ZCCHC24: variants seen among roughly 807,000 people sequenced by gnomAD.
ZCCHC24 encodes zinc finger CCHC-type containing 24.
ZCCHC24 carries 10 observed loss-of-function variants against 26.2 expected under a neutral mutation model. The ratio of observed to expected loss-of-function variants is 0.38; its 90% CI spans 0.24 to 0.65. The LOEUF (loss-of-function observed/expected upper bound fraction) is 0.65. Ranked by LOEUF, ZCCHC24 falls within the 30% of genes least tolerant of loss-of-function variation. ZCCHC24 has a pLI of 0.54. For synonymous variants in ZCCHC24, 144 were observed against 147.1 expected, an observed-to-expected ratio of 0.98 and a Z score of 0.15; for missense variants, 243 against 329.1, an observed-to-expected ratio of 0.74 and a Z score of 2.03.
intron 3 of ZCCHC24, among the ~76,000 whole-genome samples, chr10:79,391,614 C>T (rs775463834): frequency 4.0e-5 from 6 of 151,888 alleles, no homozygotes; most frequent in Non-Finnish European, 5.9e-5. Context: ...CTGGGCTGTT[C>T]CTGACTCCTG....
chr10:79,391,354 C>A (rs1273270040), intron 3 of ZCCHC24, among the ~76,000 whole-genome samples: 2 of 152,068 alleles, frequency 1.3e-5, no homozygotes, highest in African/African-American at 4.8e-5. Flanking sequence ...GATGGTGACA[C>A]AAGCCAGGAA....
intron 1 of ZCCHC24, among the ~76,000 whole-genome samples, chr10:79,441,657 G>A (rs1323263366): frequency 6.6e-6 from 1 of 152,042 alleles, no homozygotes. Flanking sequence ...CCTTTCCTGT[G>A]CTAGTGGGCA....
intron 2 of ZCCHC24, among the ~76,000 whole-genome samples, chr10:79,411,719 T>A (rs1564635635): frequency 6.6e-6 from 1 of 152,156 alleles, no homozygotes; most frequent in Non-Finnish European, 1.5e-5. Context: ...TCAGGCCTCC[T>A]GGGATCCCAG....
chr10:79,422,088 A>T (rs1856950170), intron 2 of ZCCHC24, among the ~76,000 whole-genome samples: 1 of 151,986 alleles, frequency 6.6e-6, no homozygotes. Context: ...TGTGAGGTGG[A>T]TATGTGTGAG....
In ZCCHC24 at chr10:79,386,265, G is replaced by A. The variant is rs7071090; in HGVS notation, c.*80C>T. The A allele has an allele frequency of 4.3e-4, 588 of 1,382,482 alleles. 2 individuals are homozygous for A. The African/African-American group carries it at 6.1e-3, about 14-fold the overall frequency. The allele number at this position is 1,382,482 out of a possible 1,614,324, so 85.6% of individuals were successfully genotyped here. On this transcript the variant is annotated 3_prime_UTR_variant, in exon 4 of 4. Coordinates refer to ENST00000372336, the MANE Select transcript of ZCCHC24 (RefSeq NM_153367.4). ...GGGCACCCCATGCACAGGGCGACAC[G>A]CAGCCCCTCGGAGTAGCACAGGGAA...
intron 2 of ZCCHC24, among the ~76,000 whole-genome samples, chr10:79,417,039 C>T (rs1856872285): frequency 6.6e-6 from 1 of 152,266 alleles, no homozygotes; most frequent in Non-Finnish European, 1.5e-5. Flanking sequence ...TTGCTGAGCA[C>T]TCACTATGTG....
chr10:79,393,361 C>T (rs543632295), intron 3 of ZCCHC24, among the ~76,000 whole-genome samples: 122 of 152,318 alleles, frequency 8.0e-4, no homozygotes, highest in Non-Finnish European at 9.4e-4. Context: ...AGTTCAGGAA[C>T]GACCTCCTCT....
intron 2 of ZCCHC24, among the ~76,000 whole-genome samples, chr10:79,407,563 C>T (rs554999152): frequency 6.2e-4 from 95 of 152,202 alleles, no homozygotes; most frequent in South Asian, 1.7e-3. Flanking sequence ...AATGCCTGGG[C>T]GGTGCAGCTG....
At chr10:79,433,279 C>T (rs1254316191) in intron 1 of ZCCHC24, among the ~76,000 whole-genome samples, 1 of 152,216 alleles carries the variant, frequency 6.6e-6, no homozygotes, top group Non-Finnish European at 1.5e-5. Flanking sequence ...TCCCGCTTCA[C>T]ACTAGACAAG....
chr10:79,389,184 A>G (rs889757488), intron 3 of ZCCHC24, among the ~76,000 whole-genome samples: 10 of 152,284 alleles, frequency 6.6e-5, no homozygotes, highest in South Asian at 2.1e-4. Flanking sequence ...ATTCACTGGC[A>G]CCTGCCAGCT....
At chr10:79,422,267 C>T (rs779022235) in intron 2 of ZCCHC24, among the ~76,000 whole-genome samples, 1 of 152,056 alleles carries the variant, frequency 6.6e-6, no homozygotes, top group Non-Finnish European at 1.5e-5. Flanking sequence ...GGGCTCTAGC[C>T]ACTCTGGTCC....
intron 2 of ZCCHC24, among the ~76,000 whole-genome samples, chr10:79,431,129 G>A (rs940813501): frequency 6.6e-6 from 1 of 152,226 alleles, no homozygotes; most frequent in Admixed American, 6.5e-5. Context: ...AGGGGATGAG[G>A]GAGGGCTGCT....
chr10:79,421,333 C>G (rs1467353609), intron 2 of ZCCHC24, among the ~76,000 whole-genome samples: 1 of 152,160 alleles, frequency 6.6e-6, no homozygotes, highest in Non-Finnish European at 1.5e-5. Context: ...GCAATGCTAC[C>G]TTCAGCACCC....
intron 1 of ZCCHC24, among the ~76,000 whole-genome samples, chr10:79,444,543 G>T (rs1857334571): frequency 6.6e-6 from 1 of 151,986 alleles, no homozygotes; most frequent in Admixed American, 6.6e-5. Context: ...AGGCTGGGAG[G>T]GCTGGGGACA....
intron 2 of ZCCHC24, among the ~76,000 whole-genome samples, chr10:79,395,431 G>C (rs528410964): frequency 6.6e-6 from 1 of 152,336 alleles, no homozygotes; most frequent in South Asian, 2.1e-4. Flanking sequence ...TTTTGCACAT[G>C]TGTGAGTGTA....
At chr10:79,444,046 C>G (rs1024445826) in intron 1 of ZCCHC24, 4 of 1,509,330 alleles carry the variant, frequency 2.7e-6, no homozygotes, top group East Asian at 5.2e-5. Flanking sequence ...CACACCCTTG[C>G]GTACATAGGC....
intron 2 of ZCCHC24, among the ~76,000 whole-genome samples, chr10:79,408,760 C>T (rs1005231299): frequency 3.3e-5 from 5 of 152,136 alleles, no homozygotes; most frequent in South Asian, 2.1e-4. Context: ...CAGTCTCTGA[C>T]GGTTCACAGC....
At chr10:79,390,635 G>A (rs553941408) in intron 3 of ZCCHC24, among the ~76,000 whole-genome samples, 10 of 152,342 alleles carry the variant, frequency 6.6e-5, no homozygotes, top group Non-Finnish European at 1.3e-4. Flanking sequence ...AGGAGCCTGG[G>A]GAAGCTGTCA....
chr10:79,428,220 G>C (rs918113146), intron 2 of ZCCHC24, among the ~76,000 whole-genome samples: 1 of 152,210 alleles, frequency 6.6e-6, no homozygotes, highest in African/African-American at 2.4e-5. Flanking sequence ...ATGCTACAGT[G>C]TGGATGAAAC....
Sources: gnomAD v4.1 joint callset for allele counts (sites outside exome capture counted in the v4.1 genomes callset) on GRCh38, gnomAD v4.1.1 for gene constraint, MANE v1.5 for transcripts, NCBI Gene and HGNC (gene_info 2026-07-23, HGNC 2026-07-21) for gene names.